EYA1: variants seen among roughly 807,000 people sequenced by gnomAD.
The protein encoded by EYA1 is EYA transcriptional coactivator and phosphatase 1, also known as protein phosphatase EYA1.
A neutral mutation model predicts 82.0 loss-of-function variants in EYA1; 16 were observed. The observed-to-expected ratio is 0.20, with a 90% CI of 0.13 to 0.30. The LOEUF (loss-of-function observed/expected upper bound fraction) is 0.30. Among genes scored for constraint, EYA1 ranks in the 10% least tolerant of loss-of-function variants. EYA1 has a pLI of 1.00. For synonymous variants in EYA1, 261 were observed against 264.4 expected (o/e 0.99, Z 0.12); for missense variants, 633 against 730.7 (o/e 0.87, Z 1.54).
At position 71,271,757 on chromosome 8, in the gene EYA1, C is replaced by G. The variant is rs2128951565; in HGVS notation, c.966+1G>C. ...TCACTTGGGTGTTGGCTATGACGTA[C>G]CTCAAGATCAGAATCTGGGGGAGGT... On this transcript the variant is annotated splice_donor_variant, in intron 10 of 17. Coordinates refer to ENST00000340726, the MANE Select transcript of EYA1 (RefSeq NM_000503.6). LOFTEE classifies it high-confidence loss of function. The G allele has an allele frequency of 6.2e-7, 1 of 1,614,202 alleles. No homozygotes were observed. Among genetic ancestry groups the G allele is most frequent in the Non-Finnish European group, 8.5e-7 (1 of 1,180,038 alleles).
At chr8:71,205,619 T>A (rs979130097) in intron 17 of EYA1, among the ~76,000 whole-genome samples, 2 of 152,196 alleles carry the variant, frequency 1.3e-5, no homozygotes, top group African/African-American at 4.8e-5. Flanking sequence ...AGGTACTTTT[T>A]ATGATGCAAA....
chr8:71,386,750 A>G (rs1828987585), intron 2 of EYA1, among the ~76,000 whole-genome samples: 1 of 152,240 alleles, frequency 6.6e-6, no homozygotes, highest in Non-Finnish European at 1.5e-5. Flanking sequence ...GAATGGGTAC[A>G]GAGGAAGAAA....
chr8:71,406,066 T>A (rs999618132), intron 2 of EYA1, among the ~76,000 whole-genome samples: 12 of 152,202 alleles, frequency 7.9e-5, no homozygotes, highest in Admixed American at 5.9e-4. Context: ...CATATTCATA[T>A]GTCCAAACTC....
intron 2 of EYA1, among the ~76,000 whole-genome samples, chr8:71,468,593 T>TA (rs1307639593): frequency 2.6e-5 from 4 of 152,140 alleles, no homozygotes; most frequent in Admixed American, 6.6e-5. Flanking sequence ...AAATAGTAAA[T>TA]GTTACATATA....
chr8:71,484,358 TGAAAGG>T lies in EYA1; in HGVS notation c.33+51380_33+51385del, dbSNP rs1810400539. ...AGAAGCCTGAGGGTAAATTAGTCAA[TGAAAGG>T]GAAAGTATACACAAATTCTAAAGTG... On this transcript the variant is annotated intron_variant, in intron 2 of 18. Transcript: ENST00000643681. 2.6e-5 allele frequency among the ~76,000 whole-genome samples: 4 copies of T among 152,272 alleles called. No homozygotes were observed. The South Asian group carries it at 8.3e-4, about 32-fold the overall frequency.
rs760935474 is a variant in EYA1, at chr8:71,216,860, T to C, written c.1200-8A>G. 15 of 1,614,126 alleles carry C rather than the reference T, an allele frequency of 9.3e-6. 1 individual carries two copies. In the South Asian group the frequency reaches 1.2e-4, roughly 13 times the overall value. On this transcript the variant is annotated splice_polypyrimidine_tract_variant and splice_region_variant and intron_variant, in intron 13 of 17. Transcript: ENST00000340726. ...GTTCCAAAGTTATATGTGCTATTTA[T>C]ATGCAAGAAAAGCCCAAAGTTAGCC... is the stretch of plus-strand genomic sequence containing the variant.
At chr8:71,337,927 C>T (rs1293975381) in intron 3 of EYA1, among the ~76,000 whole-genome samples, 7 of 152,148 alleles carry the variant, frequency 4.6e-5, no homozygotes, top group Non-Finnish European at 7.4e-5. Context: ...CTGTATGCCT[C>T]GGCTTCCTCA....
At chr8:71,326,901 A>C (rs1459492674) in intron 4 of EYA1, among the ~76,000 whole-genome samples, 2 of 152,086 alleles carry the variant, frequency 1.3e-5, no homozygotes, top group East Asian at 1.9e-4. Context: ...AACATAAATT[A>C]AGTCATGCCA....
chr8:71,282,188 C>A (rs553582285), intron 9 of EYA1, among the ~76,000 whole-genome samples: 229 of 152,274 alleles, frequency 1.5e-3, no homozygotes, highest in Non-Finnish European at 2.2e-3. Context: ...CCAACCCCTC[C>A]TTTTGGCATG....
chr8:71,535,685 G>A, intron 2 of EYA1: 1 of 1,221,290 alleles, frequency 8.2e-7, no homozygotes, highest in Non-Finnish European at 1.1e-6. Context: ...CAATAAAAAT[G>A]CCATGATGAT....
At position 71,361,786 on chromosome 8, in the gene EYA1, C is replaced by A; in HGVS notation, c.-194G>T. 1 of 985,466 alleles carries A rather than the reference C, an allele frequency of 1.0e-6. No homozygotes were observed. The highest frequency in any genetic ancestry group is 1.2e-6 in the Non-Finnish European group (1 of 829,954). The allele number at this position is 985,466 out of a possible 1,614,324, so 61.0% of individuals were successfully genotyped here. ...CAGGCGCTCTGGTGCAGCCGCGGCG[C>A]TTCTGGGAGTGGAGCGCCTCTGCAG... On this transcript the variant is annotated 5_prime_UTR_variant, in exon 1 of 18. Transcript: ENST00000340726.
intron 11 of EYA1, among the ~76,000 whole-genome samples, chr8:71,267,551 A>T (rs1418462916): frequency 1.3e-5 from 2 of 152,080 alleles, no homozygotes; most frequent in East Asian, 3.8e-4. Flanking sequence ...TATGAGATAA[A>T]ACTTTTGTTT....
intron 3 of EYA1, among the ~76,000 whole-genome samples, chr8:71,340,682 C>T (rs999904623): frequency 1.3e-5 from 2 of 152,026 alleles, no homozygotes; most frequent in African/African-American, 2.4e-5. Flanking sequence ...ATGTTCTCTT[C>T]TACCTCATTT....
At chr8:71,291,959 A>T (rs1248426814) in intron 9 of EYA1, among the ~76,000 whole-genome samples, 1 of 152,176 alleles carries the variant, frequency 6.6e-6, no homozygotes, top group African/African-American at 2.4e-5. Flanking sequence ...TTGGGATAAA[A>T]AATATGTTGT....
intron 2 of EYA1, among the ~76,000 whole-genome samples, chr8:71,367,845 A>C (rs1315974727): frequency 6.6e-6 from 1 of 152,198 alleles, no homozygotes; most frequent in East Asian, 1.9e-4. Flanking sequence ...AGTAGACTTT[A>C]TGTGACATAC....
At chr8:71,342,961 T>A (rs1218911348) in intron 3 of EYA1, among the ~76,000 whole-genome samples, 1 of 152,112 alleles carries the variant, frequency 6.6e-6, no homozygotes, top group Non-Finnish European at 1.5e-5. Context: ...TGTTTGAAAA[T>A]CACAGAATTG....
At chr8:71,503,590 A>G (rs765817943) in intron 2 of EYA1, among the ~76,000 whole-genome samples, 1 of 152,210 alleles carries the variant, frequency 6.6e-6, no homozygotes, top group African/African-American at 2.4e-5. Flanking sequence ...TCTTACACAC[A>G]GTAATCTTTT....
At chr8:71,455,319 T>C (rs1807793150) in intron 2 of EYA1, among the ~76,000 whole-genome samples, 2 of 152,164 alleles carry the variant, frequency 1.3e-5, no homozygotes, top group South Asian at 4.1e-4. Context: ...TGCCGAATTC[T>C]ACCAGAGGTA....
chr8:71,285,849 T>A (rs1344164740), intron 9 of EYA1, among the ~76,000 whole-genome samples: 1 of 152,260 alleles, frequency 6.6e-6, no homozygotes, highest in African/African-American at 2.4e-5. Context: ...TTATTCTTGT[T>A]GAATACAACC....
Sources: allele counts gnomAD v4.1 joint callset (sites outside exome capture counted in the v4.1 genomes callset), GRCh38; gene constraint gnomAD v4.1.1; transcripts MANE v1.5; gene names NCBI Gene and HGNC (gene_info 2026-07-23, HGNC 2026-07-21).